CCDC171: variants seen among roughly 807,000 people sequenced by gnomAD.
The protein encoded by CCDC171 is coiled-coil domain containing 171.
Under a neutral mutation model 168.2 loss-of-function variants are expected in CCDC171, and 177 were observed. That is an observed-to-expected ratio of 1.05 (90% CI 0.93 to 1.19). The LOEUF is 1.19. Among genes scored for constraint, CCDC171 ranks in the 50% most tolerant of loss-of-function variants. CCDC171 has a pLI of 0.00. For missense variants in CCDC171, 1,991 were observed against 1,539.0 expected (o/e 1.29, Z -4.91); for synonymous variants, 687 against 540.8 (o/e 1.27, Z -3.75).
chr9:15,867,150 A>G (rs2061823710), intron 23 of CCDC171, among the ~76,000 whole-genome samples: 1 of 152,060 alleles, frequency 6.6e-6, no homozygotes, highest in Non-Finnish European at 1.5e-5. Flanking sequence ...TTCCTATGAG[A>G]TAGAAAGATG....
intron 2 of CCDC171, among the ~76,000 whole-genome samples, chr9:15,569,582 G>A (rs1198856322): frequency 6.6e-6 from 1 of 151,938 alleles, no homozygotes; most frequent in Non-Finnish European, 1.5e-5. Flanking sequence ...TTGGGAGGCC[G>A]AGGCGGGCGG....
chr9:15,969,196 G>C (rs1224012551), intron 25 of CCDC171, among the ~76,000 whole-genome samples: 1 of 152,148 alleles, frequency 6.6e-6, no homozygotes. Context: ...GGATGAAAGG[G>C]TGCTTTCAGA....
In CCDC171 at chr9:15,880,235, A is replaced by G. The variant is rs147840371; in HGVS notation, c.3600+5572A>G. ...GAGATTATTGGAATTGGTAAGTGAC[A>G]TCATTTTAATAGTAAGTTATCAAAA... On this transcript the variant is annotated intron_variant, in intron 24 of 25. Coordinates refer to ENST00000380701, the MANE Select transcript of CCDC171 (RefSeq NM_173550.4). Among the ~76,000 whole-genome samples, 112 of 152,334 alleles carry G rather than the reference A, an allele frequency of 7.4e-4. 1 individual carries two copies. The East Asian group carries it at 0.017, about 23-fold the overall frequency.
chr9:15,711,710 A>G (rs2052680755), intron 11 of CCDC171, among the ~76,000 whole-genome samples: 1 of 152,174 alleles, frequency 6.6e-6, no homozygotes. Context: ...GGTCAGATAA[A>G]CCCATTGTAA....
intron 23 of CCDC171, among the ~76,000 whole-genome samples, chr9:15,870,879 C>T (rs529801690): frequency 2.7e-5 from 4 of 150,930 alleles, no homozygotes; most frequent in East Asian, 3.9e-4. Flanking sequence ...AGGAATAGTA[C>T]AGTATGGATC....
chr9:15,800,434 T>A (rs1459441158), intron 21 of CCDC171, among the ~76,000 whole-genome samples: 1 of 152,102 alleles, frequency 6.6e-6, no homozygotes, highest in Non-Finnish European at 1.5e-5. Flanking sequence ...CAATTTAATC[T>A]TTTGCCCATT....
the CCDC171 span, among the ~76,000 whole-genome samples, chr9:16,085,714 A>C: frequency 6.6e-6 from 1 of 152,224 alleles, no homozygotes; most frequent in Admixed American, 6.5e-5. Flanking sequence ...CCACAAACAA[A>C]CATGAACATT....
At chr9:15,792,919 T>C (rs1240978101) in intron 21 of CCDC171, among the ~76,000 whole-genome samples, 2 of 151,638 alleles carry the variant, frequency 1.3e-5, no homozygotes, top group African/African-American at 2.4e-5. Flanking sequence ...CATCAACTAA[T>C]GAGCAAAATA....
intron 3 of CCDC171, among the ~76,000 whole-genome samples, chr9:16,019,756 G>C (rs1833111984): frequency 6.6e-6 from 1 of 152,110 alleles, no homozygotes; most frequent in Non-Finnish European, 1.5e-5. Context: ...TTTGACAAAT[G>C]GTAACTGAAT....
At chr9:15,698,706 C>G (rs187965051) in intron 11 of CCDC171, among the ~76,000 whole-genome samples, 2 of 152,088 alleles carry the variant, frequency 1.3e-5, no homozygotes, top group African/African-American at 4.8e-5. Flanking sequence ...TATACACACA[C>G]ACATCATATA....
chr9:16,044,767 T>A (rs1336203628), intron 1 of CCDC171, among the ~76,000 whole-genome samples: 1 of 152,140 alleles, frequency 6.6e-6, no homozygotes, highest in Non-Finnish European at 1.5e-5. Context: ...TTTTTACAAT[T>A]CCCATGATGC....
At chr9:15,629,357 G>C (rs2045474728) in intron 7 of CCDC171, among the ~76,000 whole-genome samples, 1 of 152,168 alleles carries the variant, frequency 6.6e-6, no homozygotes. Context: ...TGAAAGCCAA[G>C]GCTCGAGAAC....
rs541456555 is a variant in CCDC171, at chr9:15,644,601, C to T, written c.823-12526C>T. On this transcript the variant is annotated intron_variant, in intron 7 of 25. Coordinates refer to ENST00000380701, the MANE Select transcript of CCDC171 (RefSeq NM_173550.4). ...CGGAACACCAGGAGATTATATCCCG[C>T]ACCTGGCTCGGAGAGTCCCATGCCC... Among the ~76,000 whole-genome samples the T allele has an allele frequency of 4.9e-4, 75 of 152,348 alleles. 1 individual carries two copies. The highest frequency in any genetic ancestry group is 6.8e-4 in the Non-Finnish European group (46 of 68,026).
intron 25 of CCDC171, among the ~76,000 whole-genome samples, chr9:15,941,729 C>G (rs954848529): frequency 1.1e-4 from 16 of 151,876 alleles, no homozygotes; most frequent in Non-Finnish European, 2.4e-4. Context: ...CTGAAATGCT[C>G]TCTTTTAACT....
At chr9:15,689,916 T>C (rs2050670638) in intron 10 of CCDC171, among the ~76,000 whole-genome samples, 1 of 152,130 alleles carries the variant, frequency 6.6e-6, no homozygotes, top group Admixed American at 6.5e-5. Context: ...GTTTAGTTGA[T>C]TTTCAAAAAG....
At chr9:16,072,963 A>C in the CCDC171 span, among the ~76,000 whole-genome samples, 1 of 152,254 alleles carries the variant, frequency 6.6e-6, no homozygotes, top group Non-Finnish European at 1.5e-5. Flanking sequence ...GACAAATAAG[A>C]GATATCAGGA....
chr9:15,884,741 C>T (rs1429146621), intron 24 of CCDC171, among the ~76,000 whole-genome samples: 1 of 152,088 alleles, frequency 6.6e-6, no homozygotes, highest in Non-Finnish European at 1.5e-5. Flanking sequence ...GCCAGTCTTG[C>T]TTTTGCTCAC....
chr9:15,887,339 T>G (rs1819567094), intron 24 of CCDC171, among the ~76,000 whole-genome samples: 1 of 152,198 alleles, frequency 6.6e-6, no homozygotes, highest in Admixed American at 6.5e-5. Flanking sequence ...GTTTAGAAAG[T>G]ACTTTTCAGT....
chr9:15,889,049 C>G (rs1305774808), intron 24 of CCDC171: 3 of 148,642 alleles, frequency 2.0e-5, no homozygotes, highest in African/African-American at 7.5e-5. Flanking sequence ...ACCTCCACCT[C>G]CCAGGTTTAA....
Sources: gnomAD v4.1 joint callset for allele counts (sites outside exome capture counted in the v4.1 genomes callset) on GRCh38, gnomAD v4.1.1 for gene constraint, MANE v1.5 for transcripts, NCBI Gene and HGNC (gene_info 2026-07-23, HGNC 2026-07-21) for gene names.